APBA1: variants seen among roughly 807,000 people sequenced by gnomAD.
The protein encoded by APBA1 is amyloid beta precursor protein binding family A member 1, also known as amyloid-beta A4 precursor protein-binding family A member 1.
A neutral mutation model predicts 86.6 loss-of-function variants in APBA1; 55 were observed. That is an observed-to-expected ratio of 0.64 (90% CI 0.51 to 0.80). The LOEUF (loss-of-function observed/expected upper bound fraction) is 0.80. Ranked by LOEUF, APBA1 falls within the 30% of genes least tolerant of loss-of-function variation. The pLI is 0.00. For missense variants in APBA1, 1,090 were observed against 1,183.0 expected (o/e 0.92, Z 1.15); for synonymous variants, 511 against 493.9 (o/e 1.03, Z -0.46).
At chr9:69,617,460 A>C (rs1822724471) in intron 1 of APBA1, among the ~76,000 whole-genome samples, 1 of 152,164 alleles carries the variant, frequency 6.6e-6, no homozygotes. Flanking sequence ...CAAATCTAGT[A>C]GAATGTGTGT....
At chr9:69,517,466 A>G (rs1161230503) in intron 1 of APBA1, among the ~76,000 whole-genome samples, 187 bp from the exon 2 acceptor site, 1 of 152,160 alleles carries the variant, frequency 6.6e-6, no homozygotes, top group Non-Finnish European at 1.5e-5. Context: ...GTAATTACAT[A>G]TCTACTTGTT....
intron 1 of APBA1, among the ~76,000 whole-genome samples, chr9:69,566,970 T>A (rs1012817521): frequency 3.9e-5 from 6 of 152,130 alleles, no homozygotes; most frequent in African/African-American, 1.2e-4. Flanking sequence ...TCTTCCTGTA[T>A]CCCAACTGGC....
intron 1 of APBA1, among the ~76,000 whole-genome samples, chr9:69,574,233 C>T (rs946905792): frequency 3.3e-5 from 5 of 152,164 alleles, no homozygotes; most frequent in African/African-American, 1.2e-4. Context: ...ACCGCCCTGA[C>T]GAGCAGGCAC....
intron 1 of APBA1, among the ~76,000 whole-genome samples, chr9:69,541,959 T>C (rs560260200): frequency 2.0e-5 from 3 of 152,270 alleles, no homozygotes; most frequent in Admixed American, 2.0e-4. Context: ...CCAATTCCCT[T>C]GGACCATCTG....
intron 2 of APBA1, among the ~76,000 whole-genome samples, chr9:69,506,268 G>C (rs568363088): frequency 6.6e-6 from 1 of 151,550 alleles, no homozygotes; most frequent in East Asian, 2.0e-4. Context: ...AGTGCAAGGG[G>C]TCAGGGAGTT....
intron 2 of APBA1, among the ~76,000 whole-genome samples, chr9:69,500,333 T>C (rs1166808452): frequency 6.6e-6 from 1 of 152,168 alleles, no homozygotes; most frequent in African/African-American, 2.4e-5. Flanking sequence ...AACTTGTGAT[T>C]CTTGTTTCAC....
chr9:69,531,711 C>T (rs1166343108), intron 1 of APBA1, among the ~76,000 whole-genome samples: 1 of 152,160 alleles, frequency 6.6e-6, no homozygotes, highest in Non-Finnish European at 1.5e-5. Context: ...CAATGAGGCT[C>T]AGGTGAAGCC....
At chr9:69,642,142 G>T (rs1823299819) in intron 1 of APBA1, among the ~76,000 whole-genome samples, 1 of 152,184 alleles carries the variant, frequency 6.6e-6, no homozygotes, top group Admixed American at 6.5e-5. Flanking sequence ...AAAATTAAAA[G>T]CTTCCATCCT....
rs1554708349 is a variant in APBA1 at position 69,636,926 on chromosome 9, A to AAGGAAGGAAGGAAGGAAG, written c.-70+35226_-70+35227insCTTCCTTCCTTCCTTCCT. The stretch of plus-strand genomic sequence containing the variant: ...AGGAAGGAAGGAAGGAAGGAAGGAA[A>AAGGAAGGAAGGAAGGAAG]GAAAGAAAGAAAGAAAGAAAGAAAG... On this transcript the variant is annotated intron_variant, in intron 1 of 12. Coordinates refer to ENST00000265381, the MANE Select transcript of APBA1 (RefSeq NM_001163.4). 7.0e-4 allele frequency among the ~76,000 whole-genome samples: 22 copies of AAGGAAGGAAGGAAGGAAG among 31,464 alleles called. 1 individual carries two copies. The highest frequency in any genetic ancestry group is 1.1e-3 in the African/African-American group (10 of 8,866). The allele number at this position is 31,464 out of a possible 152,430, so 20.6% of individuals were successfully genotyped here. A position where few individuals can be genotyped will look rare whatever the true frequency, so the allele number is the denominator to read the frequency against.
At chr9:69,457,771 T>A (rs944797931) in intron 6 of APBA1, among the ~76,000 whole-genome samples, 4 of 152,186 alleles carry the variant, frequency 2.6e-5, no homozygotes, top group Non-Finnish European at 5.9e-5. Flanking sequence ...TGTACATGTG[T>A]GGTTATTAGC....
chr9:69,440,640 T>G (rs1237124452), intron 11 of APBA1, among the ~76,000 whole-genome samples: 1 of 152,064 alleles, frequency 6.6e-6, no homozygotes, highest in Non-Finnish European at 1.5e-5. Flanking sequence ...AAAAGTGCAG[T>G]ATTAGGGTGG....
chr9:69,560,894 A>G (rs1836936809), intron 1 of APBA1, among the ~76,000 whole-genome samples: 1 of 152,172 alleles, frequency 6.6e-6, no homozygotes, highest in Admixed American at 6.5e-5. Flanking sequence ...ATTATTAAAC[A>G]TTGCACAACA....
chr9:69,485,665 A>T lies in APBA1; in HGVS notation c.1201-9522T>A, dbSNP rs571728151. Among the ~76,000 whole-genome samples the T allele has an allele frequency of 2.6e-5, 4 of 152,190 alleles. No individual in the cohort carries two copies. The East Asian group carries it at 7.8e-4, about 30-fold the overall frequency. On this transcript the variant is annotated intron_variant, in intron 2 of 12. Transcript: ENST00000265381. Reference sequence around the variant, plus strand: ...GGCTGAACCCGGACGTCTATCTAGGACACAGTGCGCAGAGATGACTCACCA... The same window carrying T: ...GGCTGAACCCGGACGTCTATCTAGGTCACAGTGCGCAGAGATGACTCACCA...
At chr9:69,573,211 G>A (rs979678888) in intron 1 of APBA1, among the ~76,000 whole-genome samples, 4 of 152,164 alleles carry the variant, frequency 2.6e-5, no homozygotes, top group Non-Finnish European at 5.9e-5. Flanking sequence ...GCTGGGCGCA[G>A]TGGCTCCTGC....
chr9:69,614,659 T>C (rs894780219), intron 1 of APBA1, among the ~76,000 whole-genome samples: 2 of 152,214 alleles, frequency 1.3e-5, no homozygotes, highest in East Asian at 1.9e-4. Flanking sequence ...ATCAGATTCA[T>C]GGAAAAGACT....
intron 2 of APBA1, among the ~76,000 whole-genome samples, chr9:69,511,041 G>T (rs960125792): frequency 6.6e-6 from 1 of 151,588 alleles, no homozygotes. Context: ...AACACCAAAA[G>T]CAATGGCAAC....
At chr9:69,512,325 A>C (rs978461952) in intron 2 of APBA1, among the ~76,000 whole-genome samples, 5 of 152,302 alleles carry the variant, frequency 3.3e-5, no homozygotes, top group Admixed American at 3.3e-4. Context: ...TTCTCTCTAT[A>C]TACAACTCAC....
At chr9:69,540,542 C>G (rs914967266) in intron 1 of APBA1, among the ~76,000 whole-genome samples, 3 of 152,134 alleles carry the variant, frequency 2.0e-5, no homozygotes, top group Admixed American at 6.5e-5. Context: ...GTCCCCTCCC[C>G]TGCAACCCCT....
At chr9:69,652,888 T>C (rs1823534557) in intron 1 of APBA1, among the ~76,000 whole-genome samples, 1 of 151,946 alleles carries the variant, frequency 6.6e-6, no homozygotes. Context: ...TCCTAGCTAC[T>C]TGGGAGGCTG....
Sources: gnomAD v4.1 joint callset for allele counts (sites outside exome capture counted in the v4.1 genomes callset) on GRCh38, gnomAD v4.1.1 for gene constraint, MANE v1.5 for transcripts, NCBI Gene and HGNC (gene_info 2026-07-23, HGNC 2026-07-21) for gene names.